CDH18: variants seen among roughly 807,000 people sequenced by gnomAD.
CDH18 encodes cadherin 18, also known as cadherin-18.
CDH18 carries 31 observed loss-of-function variants against 67.9 expected under a neutral mutation model. The ratio of observed to expected loss-of-function variants is 0.46; its 90% CI spans 0.34 to 0.62. The LOEUF is 0.62. Ranked by LOEUF, CDH18 falls within the 20% of genes least tolerant of loss-of-function variation. CDH18 has a pLI of 0.01. For missense variants in CDH18, 890 were observed against 975.5 expected (o/e 0.91, Z 1.17); for synonymous variants, 362 against 347.2 (o/e 1.04, Z -0.48).
rs566557163 is a variant in CDH18 at position 19,628,651 on chromosome 5, A to G, written c.644-16050T>C. 5.9e-5 allele frequency among the ~76,000 whole-genome samples: 9 copies of G among 152,160 alleles called. No individual in the cohort carries two copies. The South Asian group carries it at 1.9e-3, about 32-fold the overall frequency. The stretch of plus-strand genomic sequence containing the variant: ...GAACTGTTTGTGGGGAGGTGGTTGG[A>G]AATCAGGAGTTCAATTTTGGATCTA... On this transcript the variant is annotated intron_variant, in intron 5 of 12. Coordinates refer to ENST00000382275, the MANE Select transcript of CDH18 (RefSeq NM_004934.5).
intron 3 of CDH18, among the ~76,000 whole-genome samples, chr5:19,822,713 C>A (rs144395904): frequency 0.016 from 2,475 of 152,126 alleles, 65 homozygotes; most frequent in African/African-American, 0.057. Flanking sequence ...GGAGGCAGGG[C>A]GAGATCACAG....
At chr5:20,297,031 T>A (rs1354670614) in intron 1 of CDH18, among the ~76,000 whole-genome samples, 1 of 152,042 alleles carries the variant, frequency 6.6e-6, no homozygotes, top group Non-Finnish European at 1.5e-5. Context: ...CTTTATTATG[T>A]TTTATCTATC....
intron 1 of CDH18, among the ~76,000 whole-genome samples, chr5:20,461,657 G>A (rs16887027): frequency 0.083 from 12,552 of 152,018 alleles, 1,665 homozygotes; most frequent in African/African-American, 0.28. Flanking sequence ...GCAAGAGGAA[G>A]ACTATTAACT....
In CDH18 at chr5:19,637,201, A is replaced by G. The variant is rs1753286623; in HGVS notation, c.644-24600T>C. On this transcript the variant is annotated intron_variant, in intron 5 of 12. Coordinates refer to ENST00000382275, the MANE Select transcript of CDH18 (RefSeq NM_004934.5). Reference sequence around the variant, plus strand: ...CTTTTTTCCTTCTTTCTTTCTTCTGATTTTTAATTTATAAATTATAATTGC... The same window carrying G: ...CTTTTTTCCTTCTTTCTTTCTTCTGGTTTTTAATTTATAAATTATAATTGC... Among the ~76,000 whole-genome samples, 3 of 68,880 alleles carry G rather than the reference A, an allele frequency of 4.4e-5. No homozygotes were observed. The South Asian group carries it at 1.2e-3, about 26-fold the overall frequency. 45.2% of individuals were successfully genotyped at this position (68,880 alleles called of 152,430 possible). A position where few individuals can be genotyped will look rare whatever the true frequency, so the allele number is the denominator to read the frequency against.
chr5:19,635,802 T>C (rs1753055862), intron 5 of CDH18, among the ~76,000 whole-genome samples: 1 of 152,198 alleles, frequency 6.6e-6, no homozygotes, highest in East Asian at 1.9e-4. Flanking sequence ...ATGATATGTT[T>C]AACAAGTTTA....
intron 8 of CDH18, among the ~76,000 whole-genome samples, chr5:19,544,332 GA>G (rs564142901): frequency 2.6e-5 from 4 of 151,054 alleles, no homozygotes; most frequent in East Asian, 1.9e-4. Context: ...TATGTTTAAT[GA>G]AAAAAAATAT....
Position 20,338,057 on chromosome 5 carries a change from T to C in CDH18, c.-579-82552A>G, listed in dbSNP as rs149653407. On this transcript the variant is annotated intron_variant, in intron 1 of 14. Transcript: ENST00000507958. ...CCCACCAACCACCAGGAGAACACGA[T>C]GGGAAAGACTTGCCCCCATGATTCA... 1.1e-3 allele frequency among the ~76,000 whole-genome samples: 163 copies of C among 152,250 alleles called. 2 individuals are homozygous for C. The highest frequency in any genetic ancestry group is 3.7e-3 in the African/African-American group (153 of 41,548).
chr5:20,281,482 T>C (rs1301460401), intron 1 of CDH18, among the ~76,000 whole-genome samples: 2 of 152,166 alleles, frequency 1.3e-5, no homozygotes, highest in Admixed American at 1.3e-4. Context: ...CCCTATTTCT[T>C]GTTTTTGTCA....
chr5:20,386,491 T>A (rs1292273320), intron 1 of CDH18, among the ~76,000 whole-genome samples: 2 of 152,150 alleles, frequency 1.3e-5, no homozygotes, highest in Admixed American at 1.3e-4. Context: ...AGACTGGGAA[T>A]GTATTTTTAG....
intron 2 of CDH18, among the ~76,000 whole-genome samples, chr5:19,975,737 C>T (rs1798437851): frequency 6.6e-6 from 1 of 151,990 alleles, no homozygotes; most frequent in African/African-American, 2.4e-5. Flanking sequence ...GTTACTTTTT[C>T]ATTTTAAATG....
At chr5:20,369,926 G>A (rs1742835740) in intron 1 of CDH18, among the ~76,000 whole-genome samples, 1 of 151,990 alleles carries the variant, frequency 6.6e-6, no homozygotes, top group Non-Finnish European at 1.5e-5. Context: ...TGTTACACAG[G>A]TAAACATGTG....
intron 5 of CDH18, among the ~76,000 whole-genome samples, chr5:19,693,056 T>C (rs74534126): frequency 0.04 from 5,991 of 151,082 alleles, 383 homozygotes; most frequent in African/African-American, 0.14. Flanking sequence ...GGAATACTAT[T>C]TTGCCATAAA....
At chr5:20,225,040 T>G (rs1322998843) in intron 2 of CDH18, among the ~76,000 whole-genome samples, 1 of 152,116 alleles carries the variant, frequency 6.6e-6, no homozygotes. Flanking sequence ...AAAGTGGCCT[T>G]GCTACTCAGA....
intron 2 of CDH18, among the ~76,000 whole-genome samples, chr5:19,943,272 G>A (rs990093669): frequency 6.6e-6 from 1 of 152,110 alleles, no homozygotes; most frequent in African/African-American, 2.4e-5. Flanking sequence ...GTATGGTGAA[G>A]TTAGAATTCA....
chr5:20,403,077 G>A (rs1287353613), intron 1 of CDH18, among the ~76,000 whole-genome samples: 2 of 151,738 alleles, frequency 1.3e-5, no homozygotes, highest in African/African-American at 2.4e-5. Context: ...CAGCTACTTG[G>A]GAGGCTGAGG....
At chr5:19,908,260 G>A (rs566033865) in intron 2 of CDH18, among the ~76,000 whole-genome samples, 1 of 152,146 alleles carries the variant, frequency 6.6e-6, no homozygotes, top group East Asian at 1.9e-4. Context: ...ATGTTTCAAA[G>A]CAAGAGAATT....
chr5:19,504,962 T>G (rs1743861534), intron 10 of CDH18, among the ~76,000 whole-genome samples: 1 of 152,136 alleles, frequency 6.6e-6, no homozygotes, highest in African/African-American at 2.4e-5. Flanking sequence ...GTATACAAAT[T>G]ATTTTAATTA....
intron 5 of CDH18, among the ~76,000 whole-genome samples, chr5:19,704,077 G>A (rs1228372922): frequency 6.6e-6 from 1 of 152,182 alleles, no homozygotes; most frequent in African/African-American, 2.4e-5. Context: ...GTGGAAATCA[G>A]AAAAGTGAAA....
intron 1 of CDH18, among the ~76,000 whole-genome samples, chr5:20,352,334 GTTTAC>G (rs1022165571): frequency 6.6e-6 from 1 of 150,942 alleles, no homozygotes; most frequent in African/African-American, 2.4e-5. Context: ...TTTTTCTCTA[GTTTAC>G]TTTATTGTAA....
Sources: allele counts gnomAD v4.1 joint callset (sites outside exome capture counted in the v4.1 genomes callset), GRCh38; gene constraint gnomAD v4.1.1; transcripts MANE v1.5; gene names NCBI Gene and HGNC (gene_info 2026-07-23, HGNC 2026-07-21).